The following CFAP47 variants were observed in gnomAD, a reference collection of about 807,000 sequenced individuals.
CFAP47 encodes cilia and flagella associated protein 47.
In CFAP47, 29 loss-of-function variants were observed where a neutral mutation model predicts 148.1. The observed-to-expected ratio is 0.20, with a 90% CI of 0.15 to 0.27. The LOEUF is 0.27. Ranked by LOEUF, CFAP47 falls within the 10% of genes least tolerant of loss-of-function variation. The pLI, the probability that CFAP47 is intolerant of heterozygous loss-of-function variation, is 1.00. For missense variants in CFAP47, 1,872 were observed against 1,697.5 expected (o/e 1.10, Z -1.81); for synonymous variants, 664 against 577.3 (o/e 1.15, Z -2.15).
chrX:35,919,904 T>A lies in CFAP47; in HGVS notation c.105T>A (p.Gly35=). ...SLVPRDMDSS[G]RDMQLRVIPA... ...TCCCCCGGGATATGGATAGCTCGGGTAGAGACATGCAGCTGCGGGTGATCC... is the reference window on the plus strand; with the variant it reads ...TCCCCCGGGATATGGATAGCTCGGGAAGAGACATGCAGCTGCGGGTGATCC... The change falls in exon 1 of 64, where the codon GGT becomes GGA. Residue 35 remains glycine, a synonymous_variant. Coordinates refer to ENST00000378653, the MANE Select transcript of CFAP47 (RefSeq NM_001304548.2). 1 of 1,210,137 alleles carries A rather than the reference T, an allele frequency of 8.3e-7. No individual in the cohort carries two copies. The highest frequency in any genetic ancestry group is 1.1e-6 in the Non-Finnish European group (1 of 894,988).
intron 46 of CFAP47, among the ~76,000 whole-genome samples, chrX:36,229,995 T>C (rs2057631168): frequency 9.2e-6 from 1 of 108,318 alleles, no homozygotes; most frequent in African/African-American, 3.4e-5. Flanking sequence ...CACATTTTCT[T>C]AATCCAGTCT....
intron 54 of CFAP47, 150 bp from the exon 55 acceptor site, chrX:36,306,622 G>A: frequency 6.4e-6 from 2 of 314,628 alleles, no homozygotes; most frequent in Non-Finnish European, 1.1e-5. Context: ...AATATTCAAG[G>A]AGCAGGCATA....
At chrX:36,308,914 G>C (rs1255903552) in intron 55 of CFAP47, among the ~76,000 whole-genome samples, 7 of 111,284 alleles carry the variant, frequency 6.3e-5, no homozygotes, top group African/African-American at 2.3e-4. Context: ...TTAGGGTTTG[G>C]GTTAAGTTCA....
At position 35,924,077 on chromosome X, in the gene CFAP47, A is replaced by G. The variant is rs144450326; in HGVS notation, c.250-1940A>G. On this transcript the variant is annotated intron_variant, in intron 1 of 63. Coordinates refer to ENST00000378653, the MANE Select transcript of CFAP47 (RefSeq NM_001304548.2). ...CATGTATGCGCACATATATGTATAT[A>G]TGTACATGTATGCGTACATATATGT... is the stretch of plus-strand genomic sequence containing the variant. Among the ~76,000 whole-genome samples, 571 of 79,754 alleles carry G rather than the reference A, an allele frequency of 7.2e-3. 34 individuals are homozygous for G. The highest frequency in any genetic ancestry group is 0.023 in the African/African-American group (473 of 20,486). 69.3% of individuals were successfully genotyped at this position (79,754 alleles called of 115,157 possible).
At chrX:36,130,246 G>A (rs1456876713) in intron 33 of CFAP47, among the ~76,000 whole-genome samples, 1 of 110,742 alleles carries the variant, frequency 9.0e-6, no homozygotes, top group Non-Finnish European at 1.9e-5. Context: ...TTAATAATCT[G>A]ATAAAAAATG....
chrX:36,045,460 G>T (rs1243874403), intron 25 of CFAP47, among the ~76,000 whole-genome samples: 1 of 111,436 alleles, frequency 9.0e-6, no homozygotes, highest in Non-Finnish European at 1.9e-5. Context: ...GTCTCAGAGG[G>T]TCACCCAAGG....
chrX:35,951,933 A>C lies in CFAP47; in HGVS notation c.1016A>C (p.Lys339Thr), dbSNP rs773356765. The C allele has an allele frequency of 3.4e-6, 4 of 1,171,604 alleles. No individual in the cohort carries two copies. Among genetic ancestry groups the C allele is most frequent in the Non-Finnish European group, 4.5e-6 (4 of 883,745 alleles). ...PNEGTLQPYQ[K>T]TVITFCFTPK... ...GAAGGGACTTTACAACCTTATCAAA[A>C]GACTGTAATTACATTTTGTTTCACC... is the stretch of plus-strand genomic sequence containing the variant. Residue 339 changes from lysine (K) to threonine (T), a missense_variant, in exon 6 of 64, where the codon AAG becomes ACG. Physicochemically the swap from Lys to Thr is moderately conservative, Grantham distance 78. Transcript: ENST00000378653.
At chrX:36,005,008 G>T (rs1569230252) in intron 21 of CFAP47, among the ~76,000 whole-genome samples, 1 of 106,294 alleles carries the variant, frequency 9.4e-6, no homozygotes, top group Admixed American at 1.0e-4. Flanking sequence ...TGTGTTAATG[G>T]TTTTTTTTTT....
At chrX:36,214,695 G>T (rs1340187380) in intron 45 of CFAP47, among the ~76,000 whole-genome samples, 2 of 109,793 alleles carry the variant, frequency 1.8e-5, no homozygotes, top group Admixed American at 2.0e-4. Flanking sequence ...CATTACCCTA[G>T]GCCTACACAG....
chrX:35,989,711 G>A, intron 16 of CFAP47: 1 of 635,381 alleles, frequency 1.6e-6, no homozygotes, highest in East Asian at 3.8e-5. Flanking sequence ...TAGAGGGAAA[G>A]CTGTAATATG....
intron 48 of CFAP47, among the ~76,000 whole-genome samples, chrX:36,250,210 G>C (rs1281658734): frequency 9.0e-6 from 1 of 111,290 alleles, no homozygotes; most frequent in African/African-American, 3.3e-5. Context: ...TGATATGTAC[G>C]CAATGAAATA....
chrX:35,989,472 GT>G, intron 16 of CFAP47, 23 bp downstream of exon 16: 1 of 1,210,780 alleles, frequency 8.3e-7, no homozygotes, highest in Non-Finnish European at 1.1e-6. Context: ...CTTGAACATG[GT>G]TTTTGTTTTG....
chrX:36,171,579 C>G (rs1415004780), intron 39 of CFAP47, among the ~76,000 whole-genome samples: 2 of 110,030 alleles, frequency 1.8e-5, no homozygotes, highest in Admixed American at 1.9e-4. Context: ...GCTTGTTTTT[C>G]TCAGGTTTGT....
chrX:36,178,202 C>A lies in CFAP47; in HGVS notation c.6027-1143C>A. 2.7e-5 allele frequency among the ~76,000 whole-genome samples: 3 copies of A among 110,808 alleles called. No individual in the cohort carries two copies. In the Admixed American group the frequency reaches 2.9e-4, roughly 11 times the overall value. On this transcript the variant is annotated intron_variant, in intron 39 of 63. Transcript: ENST00000378653. ...ACTAGAGGGCAGAGGGATGGAGGGG[C>A]AAGGACTGCAATACTACCTATTGGG... is the stretch of plus-strand genomic sequence containing the variant.
At chrX:36,317,719 A>G (rs1318705869) in intron 56 of CFAP47, among the ~76,000 whole-genome samples, 4 of 110,498 alleles carry the variant, frequency 3.6e-5, no homozygotes, top group Non-Finnish European at 7.6e-5. Flanking sequence ...TGCCTGGCCT[A>G]TATTAAGTCT....
chrX:36,056,346 ATTTCATATTTAT>A (rs1317710406), intron 26 of CFAP47, among the ~76,000 whole-genome samples: 1 of 112,161 alleles, frequency 8.9e-6, no homozygotes, highest in African/African-American at 3.2e-5. Context: ...CAAGAAGGGC[ATTTCATATTTAT>A]ACTCGATAGA....
intron 7 of CFAP47, 79 bp downstream of exon 7, chrX:35,953,798 G>A: frequency 1.5e-6 from 1 of 689,430 alleles, no homozygotes; most frequent in East Asian, 3.9e-5. Context: ...TATCTGTAGA[G>A]ACAATCTAAT....
In CFAP47 at chrX:36,213,403, A is replaced by G. The variant is rs146076453; in HGVS notation, c.6817+8293A>G. 3.4e-3 allele frequency among the ~76,000 whole-genome samples: 383 copies of G among 111,626 alleles called. 2 individuals carry two copies. The highest frequency in any genetic ancestry group is 6.1e-3 in the Non-Finnish European group (322 of 53,188). Reference sequence around the variant, plus strand: ...GGTACCTGGGTACCTGCAACAAAATACATATTCCAGGCCCAACTCTAGGCC... The same window carrying G: ...GGTACCTGGGTACCTGCAACAAAATGCATATTCCAGGCCCAACTCTAGGCC... On this transcript the variant is annotated intron_variant, in intron 45 of 63. Transcript: ENST00000378653.
chrX:36,365,054 C>G (rs1384487794), intron 61 of CFAP47, among the ~76,000 whole-genome samples: 1 of 106,099 alleles, frequency 9.4e-6, no homozygotes, highest in Non-Finnish European at 2.0e-5. Context: ...AAAACAGTGG[C>G]TCTAAATTGT....
Sources: gnomAD v4.1 joint callset for allele counts (sites outside exome capture counted in the v4.1 genomes callset) on GRCh38, gnomAD v4.1.1 for gene constraint, MANE v1.5 for transcripts, NCBI Gene and HGNC (gene_info 2026-07-23, HGNC 2026-07-21) for gene names.